The following SIPA1L1 variants were observed in gnomAD, a reference collection of about 807,000 sequenced individuals.
SIPA1L1 encodes the protein signal-induced proliferation-associated 1-like protein 1.
Under a neutral mutation model 162.7 loss-of-function variants are expected in SIPA1L1, and 26 were observed. The observed-to-expected ratio is 0.16, with a 90% CI of 0.12 to 0.22. The LOEUF (loss-of-function observed/expected upper bound fraction) is 0.22, where lower values mean the gene tolerates loss of function less well. SIPA1L1 is among the 10% of genes least tolerant of loss of function. The pLI is 1.00. For missense variants in SIPA1L1, 1,874 were observed against 2,241.0 expected (o/e 0.84, Z 3.31); for synonymous variants, 829 against 837.4 (o/e 0.99, Z 0.17).
In SIPA1L1 at chr14:71,345,390, C is replaced by T. The variant is rs193225135; in HGVS notation, c.-465+24209C>T. Among the ~76,000 whole-genome samples, 101 of 152,292 alleles carry T rather than the reference C, an allele frequency of 6.6e-4. 1 individual carries two copies. Among genetic ancestry groups the T allele is most frequent in the African/African-American group, 2.4e-3 (98 of 41,562 alleles). ...TGGGATTCAAAGGATGTCCTCACCT[C>T]TGTAGGATTAAGCCAAGTTGATAGA... On this transcript the variant is annotated intron_variant, in intron 2 of 23. Transcript: ENST00000381232.
At chr14:71,722,241 C>T (rs1487669815) in intron 17 of SIPA1L1, among the ~76,000 whole-genome samples, 2 of 152,120 alleles carry the variant, frequency 1.3e-5, no homozygotes, top group Admixed American at 6.5e-5. Flanking sequence ...ATTTTGGATT[C>T]TTATGAAGGT....
At chr14:71,609,105 A>G (rs1032976825) in intron 5 of SIPA1L1, among the ~76,000 whole-genome samples, 1 of 152,134 alleles carries the variant, frequency 6.6e-6, no homozygotes, top group African/African-American at 2.4e-5. Context: ...CTGCTTCTAT[A>G]TTGGGCCATG....
At position 71,739,971 on chromosome 14, in the gene SIPA1L1, A is replaced by G. The variant is rs2085642672; in HGVS notation, c.*810A>G. Reference sequence around the variant, plus strand: ...TTACAGCTTCCTGGCTCCAAACATTAATTGATTTCAGAATTCCCCCAAACT... The same window carrying G: ...TTACAGCTTCCTGGCTCCAAACATTGATTGATTTCAGAATTCCCCCAAACT... On this transcript the variant is annotated 3_prime_UTR_variant, in exon 24 of 24. Transcript: ENST00000381232. 1 of 152,186 alleles carries G rather than the reference A, an allele frequency of 6.6e-6. No homozygotes were observed. Among genetic ancestry groups the G allele is most frequent in the Admixed American group, 6.5e-5 (1 of 15,284 alleles). 9.4% of individuals were successfully genotyped at this position (152,186 alleles called of 1,614,324 possible). A position where few individuals can be genotyped will look rare whatever the true frequency, so the allele number is the denominator to read the frequency against.
At chr14:71,445,718 G>A (rs1054682821) in intron 2 of SIPA1L1, among the ~76,000 whole-genome samples, 1 of 152,116 alleles carries the variant, frequency 6.6e-6, no homozygotes, top group Non-Finnish European at 1.5e-5. Context: ...TTTCTTACTC[G>A]AATTACTACT....
At chr14:71,478,673 G>T (rs912756990) in intron 2 of SIPA1L1, among the ~76,000 whole-genome samples, 1 of 152,084 alleles carries the variant, frequency 6.6e-6, no homozygotes, top group Non-Finnish European at 1.5e-5. Context: ...TGTGTAAGTC[G>T]ATTTCTCCAT....
intron 5 of SIPA1L1, among the ~76,000 whole-genome samples, chr14:71,613,271 A>G (rs1213311012): frequency 1.3e-5 from 2 of 152,332 alleles, no homozygotes; most frequent in East Asian, 3.9e-4. Context: ...TCAGCAGTTA[A>G]TATGTTTAAA....
chr14:71,397,586 T>C (rs145758017), intron 2 of SIPA1L1, among the ~76,000 whole-genome samples: 14 of 152,314 alleles, frequency 9.2e-5, no homozygotes, highest in Non-Finnish European at 2.1e-4. Context: ...ATAAACCTTT[T>C]GGTAGCTGCT....
intron 7 of SIPA1L1, among the ~76,000 whole-genome samples, chr14:71,631,595 T>A (rs779313443): frequency 6.6e-6 from 1 of 152,226 alleles, no homozygotes; most frequent in Non-Finnish European, 1.5e-5. Context: ...ACAATAACAT[T>A]ATTAGGTAAA....
chr14:71,718,337 A>C (rs1172415973), intron 17 of SIPA1L1, among the ~76,000 whole-genome samples: 1 of 152,184 alleles, frequency 6.6e-6, no homozygotes, highest in Non-Finnish European at 1.5e-5. Context: ...TTTGTGCCTA[A>C]ATCTAATCAA....
chr14:71,348,467 A>G (rs1179297311), intron 2 of SIPA1L1, among the ~76,000 whole-genome samples: 4 of 152,168 alleles, frequency 2.6e-5, no homozygotes, highest in Non-Finnish European at 4.4e-5. Context: ...CCGTTGTATC[A>G]ATATCCAACT....
chr14:71,439,106 C>T (rs2044636871), intron 2 of SIPA1L1, among the ~76,000 whole-genome samples: 1 of 152,098 alleles, frequency 6.6e-6, no homozygotes, highest in Non-Finnish European at 1.5e-5. Context: ...CACTCTAACC[C>T]AGGAAGACCT....
At position 71,415,221 on chromosome 14, in the gene SIPA1L1, G is replaced by A. The variant is rs1051245119; in HGVS notation, c.-465+94040G>A. Among the ~76,000 whole-genome samples, 3 of 152,118 alleles carry A rather than the reference G, an allele frequency of 2.0e-5. No individual in the cohort carries two copies. The East Asian group carries it at 5.8e-4, about 29-fold the overall frequency. ...TGGAGCACTGCTTTTAAAGTGGCTTGCTATTTGTGACCTTCCTTGAATTTC... is the reference window on the plus strand; with the variant it reads ...TGGAGCACTGCTTTTAAAGTGGCTTACTATTTGTGACCTTCCTTGAATTTC... On this transcript the variant is annotated intron_variant, in intron 2 of 23. Coordinates refer to ENST00000381232, the MANE Select transcript of SIPA1L1 (RefSeq NM_001386936.1).
intron 2 of SIPA1L1, among the ~76,000 whole-genome samples, chr14:71,343,953 C>T (rs2035905643): frequency 6.6e-6 from 1 of 152,216 alleles, no homozygotes; most frequent in Non-Finnish European, 1.5e-5. Context: ...ATGGAGTCTT[C>T]CCTCTAGGAC....
intron 2 of SIPA1L1, among the ~76,000 whole-genome samples, chr14:71,368,081 C>A (rs979018348): frequency 2.0e-5 from 3 of 150,142 alleles, no homozygotes; most frequent in Non-Finnish European, 4.4e-5. Context: ...ATATACTAGA[C>A]CTTTTCTGGG....
intron 20 of SIPA1L1, 124 bp downstream of exon 20, chr14:71,730,425 C>T: frequency 9.2e-7 from 1 of 1,081,246 alleles, no homozygotes; most frequent in Non-Finnish European, 1.3e-6. Flanking sequence ...TCTCAGCTCA[C>T]CCGCCCCTTC....
Position 71,685,426 on chromosome 14 carries a change from G to A in SIPA1L1, c.3169G>A (p.Glu1057Lys). The change falls in exon 13 of 24, where the codon GAA becomes AAA. Residue 1057 changes from glutamate to lysine, a missense_variant. Around this residue, in one of 5 missense-constraint regions of SIPA1L1, gnomAD observed 936 missense variants for 1,051.9 expected, o/e 0.89. Coordinates refer to ENST00000381232, the MANE Select transcript of SIPA1L1 (RefSeq NM_001386936.1). Reference protein sequence around the residue: ...EYKMNEGVSYEFKFPFRNNNK... With the variant: ...EYKMNEGVSYKFKFPFRNNNK... ...CAAAATGAATGAAGGTGTTTCATAC[G>A]AATTCAAGTTTCCCTTCCGAAATAA... is the stretch of plus-strand genomic sequence containing the variant. 6 of 1,614,156 alleles carry A rather than the reference G, an allele frequency of 3.7e-6. No individual in the cohort carries two copies. The highest frequency in any genetic ancestry group is 5.1e-6 in the Non-Finnish European group (6 of 1,180,030).
intron 10 of SIPA1L1, among the ~76,000 whole-genome samples, chr14:71,667,787 C>T (rs545594502): frequency 6.6e-6 from 1 of 152,236 alleles, no homozygotes; most frequent in South Asian, 2.1e-4. Context: ...TGAAACAGGC[C>T]GGGCGTGTTG....
chr14:71,589,061 A>T lies in SIPA1L1; in HGVS notation c.1189A>T (p.Ser397Cys), dbSNP rs565924631. Reference protein sequence around the residue: ...GSTEDLNSKGSLSMDQGDDKS... With the variant: ...GSTEDLNSKGCLSMDQGDDKS... ...CACAGAGGACCTGAATTCCAAAGGA[A>T]GCCTCAGCATGGACCAGGGAGATGA... Residue 397 changes from serine to cysteine, a missense_variant, in exon 5 of 24, where the codon AGC (serine) becomes TGC (cysteine). Physicochemically the swap from Ser to Cys is moderately radical, Grantham distance 112. Around this residue, in one of 5 missense-constraint regions of SIPA1L1, gnomAD observed 685 missense variants for 828.0 expected, o/e 0.83. Transcript: ENST00000381232. The T allele has an allele frequency of 1.2e-6, 2 of 1,614,152 alleles. No individual in the cohort carries two copies. Among genetic ancestry groups the T allele is most frequent in the East Asian group, 2.2e-5 (1 of 44,874 alleles).
At chr14:71,607,616 G>T (rs1274447333) in intron 5 of SIPA1L1, among the ~76,000 whole-genome samples, 1 of 152,194 alleles carries the variant, frequency 6.6e-6, no homozygotes, top group Non-Finnish European at 1.5e-5. Flanking sequence ...TTGGTAAGAA[G>T]TTTCCTCAGT....
Sources: allele counts gnomAD v4.1 joint callset (sites outside exome capture counted in the v4.1 genomes callset), GRCh38; gene constraint gnomAD v4.1.1; regional missense constraint gnomAD v4.1.1; transcripts MANE v1.5; gene names NCBI Gene and HGNC (gene_info 2026-07-23, HGNC 2026-07-21).